The following MICA variants were observed in gnomAD, a reference collection of about 807,000 sequenced individuals.
The protein encoded by MICA is HLA class I antigen.
A neutral mutation model predicts 34.3 loss-of-function variants in MICA; 18 were observed. That is an observed-to-expected ratio of 0.52 (90% CI 0.36 to 0.78). MICA has a LOEUF of 0.78. MICA is among the 30% of genes least tolerant of loss of function. The pLI is 0.00. For missense variants in MICA, 333 were observed against 409.4 expected, an observed-to-expected ratio of 0.81 and a Z score of 1.61; for synonymous variants, 135 against 156.9, an observed-to-expected ratio of 0.86 and a Z score of 1.04.
At chr6:31,413,560 G>A (rs1771329306) in intron 5 of MICA, among the ~76,000 whole-genome samples, 1 of 151,968 alleles carries the variant, frequency 6.6e-6, no homozygotes, top group South Asian at 2.1e-4. Context: ...TAAGAGGCTG[G>A]GGTGTCCAGG....
intron 1 of MICA, among the ~76,000 whole-genome samples, chr6:31,404,880 G>T (rs1416022688): frequency 6.6e-6 from 1 of 151,222 alleles, no homozygotes; most frequent in Admixed American, 6.6e-5. Flanking sequence ...GCCCACAGGT[G>T]CTGGACCATC....
intron 4 of MICA, 41 bp downstream of exon 4, chr6:31,412,266 G>A (rs1771223085): frequency 6.2e-7 from 1 of 1,605,638 alleles, no homozygotes; most frequent in South Asian, 1.1e-5. Flanking sequence ...GGCCAGGGTA[G>A]GGACAGCAGG....
In MICA at chr6:31,411,395, A is replaced by G; in HGVS notation, c.613+36A>G. 1 of 1,523,914 alleles carries G rather than the reference A, an allele frequency of 6.6e-7. No individual in the cohort carries two copies. Among genetic ancestry groups the G allele is most frequent in the Non-Finnish European group, 8.8e-7 (1 of 1,133,182 alleles). 94.4% of individuals were successfully genotyped at this position (1,523,914 alleles called of 1,614,324 possible). On this transcript the variant is annotated intron_variant, in intron 3 of 5. Coordinates refer to ENST00000449934, the MANE Select transcript of MICA (RefSeq NM_001177519.3). The surrounding 1 kb of genome is among the most constrained non-coding windows in gnomAD (Gnocchi z 4.3). ...TGGCCAGGGGCTCTCCTCTCCCTCC[A>G]ATTCTGCTAGAGTTGCCTCACCTCC...
chr6:31,410,100 G>A (rs967109981), intron 1 of MICA, among the ~76,000 whole-genome samples: 6 of 147,036 alleles, frequency 4.1e-5, no homozygotes, highest in African/African-American at 1.3e-4. Flanking sequence ...GTCTCTTCTC[G>A]AGGCAGCTCC....
At chr6:31,404,845 A>C (rs1770664576) in intron 1 of MICA, among the ~76,000 whole-genome samples, 1 of 148,498 alleles carries the variant, frequency 6.7e-6, no homozygotes, top group Admixed American at 6.7e-5. Flanking sequence ...CCTCAGCCTC[A>C]CCCTCTTGAG....
intron 5 of MICA, among the ~76,000 whole-genome samples, chr6:31,413,860 C>A (rs2256328): frequency 6.6e-6 from 1 of 151,908 alleles, no homozygotes; most frequent in South Asian, 2.1e-4. Flanking sequence ...AGTTCATGTG[C>A]CAGTTTCTCA....
intron 1 of MICA, among the ~76,000 whole-genome samples, chr6:31,405,319 C>G (rs1056011683): frequency 4.0e-5 from 6 of 151,224 alleles, no homozygotes; most frequent in Non-Finnish European, 7.4e-5. Context: ...TCCAGCATTA[C>G]TCCTTTTGGC....
At chr6:31,402,701 T>C (rs1187602157), upstream of MICA, among the ~76,000 whole-genome samples, 3 of 151,626 alleles carry the variant, frequency 2.0e-5, no homozygotes, top group Non-Finnish European at 4.4e-5. Flanking sequence ...GGACCAAGGA[T>C]GGTGATGTTC....
chr6:31,409,863 C>G (rs114291795), intron 1 of MICA, among the ~76,000 whole-genome samples: 4,432 of 151,848 alleles, frequency 0.029, 106 homozygotes, highest in Non-Finnish European at 0.042. Context: ...CTGAAAAGAT[C>G]AACTGACTCT....
rs1771048478 is a variant in MICA, at chr6:31,410,560, T to G, written c.88T>G (p.Tyr30Asp). 5 of 1,613,028 alleles carry G rather than the reference T, an allele frequency of 3.1e-6. No homozygotes were observed. The highest frequency in any genetic ancestry group is 4.2e-6 in the Non-Finnish European group (5 of 1,179,892). The part of the protein sequence containing the change: ...GAAAEPHSLR[Y>D]NLTVLSWDGS... ...TTCCCCAGAGCCCCACAGTCTTCGT[T>G]ATAACCTCACGGTGCTGTCCTGGGA... The change falls in exon 2 of 6, where the codon TAT (tyrosine) becomes GAT (aspartate). Residue 30 changes from tyrosine to aspartate, a missense_variant. Physicochemically the swap from Tyr to Asp is radical, Grantham distance 160. Transcript: ENST00000449934.
chr6:31,411,198 C>T lies in MICA; in HGVS notation c.452C>T (p.Thr151Ile), dbSNP rs1170743708. The change falls in exon 3 of 6, where the codon ACA becomes ATA. Residue 151 changes from threonine (T) to isoleucine (I), a missense_variant. Physicochemically the swap from Thr to Ile is moderately conservative, Grantham distance 89. Transcript: ENST00000449934. The surrounding 1 kb of genome is among the most constrained non-coding windows in gnomAD (Gnocchi z 4.3). ...CAAAACCTGGAGACTGAGGAATGGA[C>T]AGTGCCCCAGTCCTCCAGAGCTCAG... Reference protein sequence around the residue: ...LSQNLETEEWTVPQSSRAQTL... With the variant: ...LSQNLETEEWIVPQSSRAQTL... 1.2e-6 allele frequency: 2 copies of T among 1,613,424 alleles called. No homozygotes were observed. Among genetic ancestry groups the T allele is most frequent in the Non-Finnish European group, 1.7e-6 (2 of 1,179,968 alleles).
Position 31,410,413 on chromosome 6 carries a change from C to T in MICA, c.71-130C>T. 4 of 1,209,468 alleles carry T rather than the reference C, an allele frequency of 3.3e-6. No homozygotes were observed. The South Asian group carries it at 6.3e-5, about 19-fold the overall frequency. The allele number at this position is 1,209,468 out of a possible 1,614,324, so 74.9% of individuals were successfully genotyped here. Reference sequence around the variant, plus strand: ...TCACAGTTTTCTTTGTATATGAAATCCTCGTTCTTGTCCCTTTGCCCGTGT... The same window carrying T: ...TCACAGTTTTCTTTGTATATGAAATTCTCGTTCTTGTCCCTTTGCCCGTGT... On this transcript the variant is annotated intron_variant, in intron 1 of 5. Transcript: ENST00000449934.
chr6:31,410,435 G>T, intron 1 of MICA, 108 bp from the exon 2 acceptor site: 1 of 1,375,206 alleles, frequency 7.3e-7, no homozygotes, highest in Non-Finnish European at 9.8e-7. Flanking sequence ...CCCTTTGCCC[G>T]TGTGCATTTC....
intron 1 of MICA, among the ~76,000 whole-genome samples, chr6:31,404,298 A>G (rs1406915233): frequency 6.6e-6 from 1 of 150,748 alleles, no homozygotes; most frequent in Non-Finnish European, 1.5e-5. Context: ...TCTTCCTGCG[A>G]CTTCTCTCAT....
Position 31,411,820 on chromosome 6 carries a change from C to A in MICA, c.614-127C>A. 2.1e-6 allele frequency: 3 copies of A among 1,396,896 alleles called. No individual in the cohort carries two copies. The highest frequency in any genetic ancestry group is 2.8e-6 in the Non-Finnish European group (3 of 1,053,484). The allele number at this position is 1,396,896 out of a possible 1,614,324, so 86.5% of individuals were successfully genotyped here. A position where few individuals can be genotyped will look rare whatever the true frequency, so the allele number is the denominator to read the frequency against. On this transcript the variant is annotated intron_variant, in intron 3 of 5. Coordinates refer to ENST00000449934, the MANE Select transcript of MICA (RefSeq NM_001177519.3). The surrounding 1 kb of genome is among the most constrained non-coding windows in gnomAD (Gnocchi z 4.3). ...GAAGAACTGGGCCCCAGAGTGAGGA[C>A]AGACTTGCAGGTCAGGGGTCCCGGA...
intron 1 of MICA, among the ~76,000 whole-genome samples, chr6:31,407,310 C>T (rs972163337): frequency 6.6e-6 from 1 of 151,940 alleles, no homozygotes; most frequent in African/African-American, 2.4e-5. Flanking sequence ...GATCTTGGCT[C>T]ACCGCAACCT....
chr6:31,403,392 C>T (rs36222990), upstream of MICA, among the ~76,000 whole-genome samples: 587 of 152,024 alleles, frequency 3.9e-3, 18 homozygotes, highest in East Asian at 0.052. The surrounding 1 kb of genome is among the most constrained non-coding windows in gnomAD (Gnocchi z 4.7). Context: ...GGCTGCGCTC[C>T]CGCGTGCTCC....
At chr6:31,412,633 T>C (rs1440108028) in intron 5 of MICA, among the ~76,000 whole-genome samples, 173 bp downstream of exon 5, 1 of 151,848 alleles carries the variant, frequency 6.6e-6, no homozygotes, top group Non-Finnish European at 1.5e-5. Context: ...CACCCATAAG[T>C]GCTGCCCAAG....
chr6:31,403,621 G>A lies in MICA; in HGVS notation c.-12G>A. On this transcript the variant is annotated 5_prime_UTR_variant, in exon 1 of 6. Transcript: ENST00000449934. The surrounding 1 kb of genome is among the most constrained non-coding windows in gnomAD (Gnocchi z 4.7). ...CTGCTTGAGCCGCTGAGAGGGTGGC[G>A]ACGTCGGGGCCATGGGGCTGGGCCC... 1.0e-5 allele frequency: 15 copies of A among 1,501,464 alleles called. No homozygotes were observed. The highest frequency in any genetic ancestry group is 1.3e-5 in the Non-Finnish European group (15 of 1,127,810). 93.0% of individuals were successfully genotyped at this position (1,501,464 alleles called of 1,614,324 possible).
Sources: allele counts gnomAD v4.1 joint callset (sites outside exome capture counted in the v4.1 genomes callset), GRCh38; gene constraint gnomAD v4.1.1; non-coding constraint Gnocchi (gnomAD v3.1); transcripts MANE v1.5; gene names NCBI Gene and HGNC (gene_info 2026-07-23, HGNC 2026-07-21).